Variants in ANO3 observed in about 807,000 individuals in gnomAD.
ANO3 encodes anoctamin 3.
ANO3 carries 99 observed loss-of-function variants against 144.8 expected under a neutral mutation model. That is an observed-to-expected ratio of 0.68 (90% CI 0.58 to 0.81). The LOEUF is 0.81. Ranked by LOEUF, ANO3 falls within the 30% of genes least tolerant of loss-of-function variation. The pLI, the probability that ANO3 is intolerant of heterozygous loss-of-function variation, is 0.00. For missense variants in ANO3, 905 were observed against 1,202.2 expected (o/e 0.75, Z 3.66); for synonymous variants, 414 against 392.6 (o/e 1.05, Z -0.64).
intron 1 of ANO3, among the ~76,000 whole-genome samples, chr11:26,210,797 G>A (rs1484204803): frequency 1.3e-5 from 2 of 152,044 alleles, no homozygotes; most frequent in African/African-American, 2.4e-5. Context: ...TATTATTGGT[G>A]TATAGGAATG....
chr11:26,239,289 C>A (rs1244658570), intron 1 of ANO3, among the ~76,000 whole-genome samples: 1 of 152,086 alleles, frequency 6.6e-6, no homozygotes, highest in East Asian at 1.9e-4. Flanking sequence ...TGTTGACCTC[C>A]CTTTTATGCT....
At position 26,537,438 on chromosome 11, in the gene ANO3, A is replaced by G. The variant is rs770869426; in HGVS notation, c.1009A>G (p.Ile337Val). 48 of 1,613,864 alleles carry G rather than the reference A, an allele frequency of 3.0e-5. No homozygotes were observed. Among genetic ancestry groups the G allele is most frequent in the Non-Finnish European group, 4.0e-5 (47 of 1,179,810 alleles). The change falls in exon 10 of 27, where the codon ATA becomes GTA. Residue 337 changes from isoleucine (I) to valine (V), a missense_variant. Ile to Val is a conservative substitution (Grantham distance 29, BLOSUM62 3). Transcript: ENST00000256737. The part of the protein sequence containing the change: ...IRKLINNGSY[I>V]AAFPPHEGAY... ...TAAACTTATAAACAATGGCTCATAC[A>G]TAGCAGCGTTTCCACCACATGAGGT... is the stretch of plus-strand genomic sequence containing the variant.
chr11:26,617,628 A>G (rs1354702695), intron 17 of ANO3, among the ~76,000 whole-genome samples: 1 of 152,218 alleles, frequency 6.6e-6, no homozygotes, highest in African/African-American at 2.4e-5. Context: ...TCAATTTGGC[A>G]TAAAGATTCA....
At chr11:26,617,403 A>T (rs547278000) in intron 17 of ANO3, among the ~76,000 whole-genome samples, 1 of 152,346 alleles carries the variant, frequency 6.6e-6, no homozygotes, top group East Asian at 1.9e-4. Context: ...CAGTGGAGTG[A>T]ATCTCTAGTT....
chr11:26,392,040 T>C (rs1856895058), intron 1 of ANO3, among the ~76,000 whole-genome samples: 3 of 152,088 alleles, frequency 2.0e-5, no homozygotes, highest in Admixed American at 2.0e-4. Context: ...TGAACATAAA[T>C]GAAGATGGAG....
At chr11:26,481,793 C>T (rs576550980) in intron 4 of ANO3, among the ~76,000 whole-genome samples, 3 of 152,254 alleles carry the variant, frequency 2.0e-5, no homozygotes, top group African/African-American at 7.2e-5. Flanking sequence ...TTCTAAAAAT[C>T]AAAGAAAACC....
intron 1 of ANO3, among the ~76,000 whole-genome samples, chr11:26,341,077 C>T (rs1202338988): frequency 6.6e-6 from 1 of 151,782 alleles, no homozygotes; most frequent in Non-Finnish European, 1.5e-5. Context: ...TCTCCCTTAC[C>T]TCCCCTCCCC....
chr11:26,299,466 G>T (rs957645308), intron 1 of ANO3, among the ~76,000 whole-genome samples: 2 of 152,162 alleles, frequency 1.3e-5, no homozygotes, highest in African/African-American at 2.4e-5. Flanking sequence ...ATCTGCTTTT[G>T]TGGACTAGTG....
At chr11:26,200,636 A>T (rs1007480466) in intron 1 of ANO3, among the ~76,000 whole-genome samples, 1 of 152,176 alleles carries the variant, frequency 6.6e-6, no homozygotes, top group African/African-American at 2.4e-5. Flanking sequence ...CAGCAAAAGG[A>T]AGATACAGAG....
chr11:26,581,688 C>CAAAAAAAAAAAAAAAA (rs10612768), intron 14 of ANO3, among the ~76,000 whole-genome samples: 1 of 84,744 alleles, frequency 1.2e-5, no homozygotes, highest in Non-Finnish European at 2.4e-5. Flanking sequence ...GACTCTGTCT[C>CAAAAAAAAAAAAAAAA]AAAAAAAAAA....
chr11:26,398,271 G>C (rs1339807905), intron 1 of ANO3, among the ~76,000 whole-genome samples: 2 of 152,010 alleles, frequency 1.3e-5, no homozygotes, highest in African/African-American at 4.8e-5. Context: ...GCAACCTATA[G>C]TGAGTTTTTG....
upstream of ANO3, chr11:26,332,124 T>A (rs1489471944): frequency 6.7e-7 from 1 of 1,494,374 alleles, no homozygotes; most frequent in African/African-American, 1.4e-5. Context: ...GGCGGGCGCG[T>A]AGCCTGGAGA....
intron 1 of ANO3, among the ~76,000 whole-genome samples, chr11:26,412,795 AGTGTGTGTGT>A (rs60855252): frequency 2.1e-5 from 3 of 140,130 alleles, no homozygotes; most frequent in Non-Finnish European, 4.6e-5. Context: ...GAGAAAGGAA[AGTGTGTGTGT>A]GTGTGTGTGT....
At chr11:26,601,411 TC>T (rs1851796049) in intron 17 of ANO3, among the ~76,000 whole-genome samples, 3 of 152,212 alleles carry the variant, frequency 2.0e-5, no homozygotes, top group Non-Finnish European at 4.4e-5. Context: ...GTTAACATAT[TC>T]TACTGGAGTT....
chr11:26,614,181 G>T (rs1238233497), intron 17 of ANO3, among the ~76,000 whole-genome samples: 1 of 152,186 alleles, frequency 6.6e-6, no homozygotes, highest in Admixed American at 6.5e-5. Context: ...GTTTCTGGGG[G>T]TGGATTCAAC....
At chr11:26,507,306 G>T (rs1273819724) in intron 4 of ANO3, among the ~76,000 whole-genome samples, 4 of 152,184 alleles carry the variant, frequency 2.6e-5, no homozygotes, top group African/African-American at 9.7e-5. Context: ...GATTCCCATG[G>T]CCTGGACTGG....
At chr11:26,207,900 C>T (rs1590193490) in intron 1 of ANO3, 1 of 151,824 alleles carries the variant, frequency 6.6e-6, no homozygotes, top group Non-Finnish European at 1.5e-5. Context: ...TAAATATTGT[C>T]AGTTACTTCA....
chr11:26,324,737 A>G (rs1022158232), intron 1 of ANO3, among the ~76,000 whole-genome samples: 15 of 152,200 alleles, frequency 9.9e-5, no homozygotes, highest in African/African-American at 3.4e-4. Context: ...AACCCAAGGA[A>G]GAGCTGATGT....
intron 1 of ANO3, among the ~76,000 whole-genome samples, chr11:26,340,824 T>C (rs944175425): frequency 5.9e-5 from 9 of 152,206 alleles, no homozygotes; most frequent in Non-Finnish European, 1.0e-4. Context: ...TTTGTTAAGG[T>C]TCCTAAATGG....
Sources: gnomAD v4.1 joint callset for allele counts (sites outside exome capture counted in the v4.1 genomes callset) on GRCh38, gnomAD v4.1.1 for gene constraint, MANE v1.5 for transcripts, NCBI Gene and HGNC (gene_info 2026-07-23, HGNC 2026-07-21) for gene names.